KAZN: variants seen among roughly 807,000 people sequenced by gnomAD.
KAZN encodes kazrin.
KAZN carries 40 observed loss-of-function variants against 87.4 expected under a neutral mutation model. That is an observed-to-expected ratio of 0.46 (90% CI 0.36 to 0.60). The LOEUF (loss-of-function observed/expected upper bound fraction) is 0.60. KAZN is among the 20% of genes least tolerant of loss of function. The probability of loss-of-function intolerance (pLI) is 0.00; values close to 1 mark genes in which losing one functional copy is unlikely to be tolerated. For missense variants in KAZN, 898 were observed against 1,073.9 expected, an observed-to-expected ratio of 0.84 and a Z score of 2.29; for synonymous variants, 466 against 458.3, an observed-to-expected ratio of 1.02 and a Z score of -0.22.
At chr1:14,055,521 A>C (rs1352215939) in intron 1 of KAZN, among the ~76,000 whole-genome samples, 1 of 152,208 alleles carries the variant, frequency 6.6e-6, no homozygotes, top group African/African-American at 2.4e-5. Context: ...CCCCTGAGTC[A>C]GGAGGTGGTA....
intron 1 of KAZN, among the ~76,000 whole-genome samples, chr1:14,664,047 T>G (rs539892328): frequency 6.6e-6 from 1 of 152,366 alleles, no homozygotes; most frequent in South Asian, 2.1e-4. Context: ...AGGGATAGTA[T>G]GCTAAGTGAA....
At chr1:13,916,604 A>C (rs1022388019) in intron 1 of KAZN, among the ~76,000 whole-genome samples, 2 of 152,212 alleles carry the variant, frequency 1.3e-5, no homozygotes, top group African/African-American at 4.8e-5. Context: ...GACATTCACC[A>C]AATCATACAA....
intron 2 of KAZN, among the ~76,000 whole-genome samples, chr1:14,481,909 C>A (rs1186323308): frequency 6.6e-6 from 1 of 152,200 alleles, no homozygotes; most frequent in Non-Finnish European, 1.5e-5. Context: ...ACCATGCAGG[C>A]CCAGTGGTAC....
At chr1:14,550,741 C>A (rs1449726793) in intron 2 of KAZN, among the ~76,000 whole-genome samples, 1 of 75,636 alleles carries the variant, frequency 1.3e-5, no homozygotes, top group Non-Finnish European at 3.2e-5. Flanking sequence ...CTCTCTCTCC[C>A]CCACCCCGCC....
intron 3 of KAZN, among the ~76,000 whole-genome samples, chr1:15,042,189 G>T (rs1672992072): frequency 6.6e-6 from 1 of 152,198 alleles, no homozygotes; most frequent in South Asian, 2.1e-4. Context: ...ACCTAGTGGG[G>T]CTTCCTCCTA....
At chr1:14,527,418 G>C (rs1032138797) in intron 2 of KAZN, among the ~76,000 whole-genome samples, 1 of 151,932 alleles carries the variant, frequency 6.6e-6, no homozygotes, top group African/African-American at 2.4e-5. Flanking sequence ...GCGTGGTGGC[G>C]GGCACCTGTA....
chr1:14,815,419 C>G (rs1398771939), intron 1 of KAZN, among the ~76,000 whole-genome samples: 1 of 152,290 alleles, frequency 6.6e-6, no homozygotes, highest in African/African-American at 2.4e-5. Flanking sequence ...GCAGCGTCAC[C>G]TGTGAACAAT....
At chr1:14,539,376 T>C (rs1353840828) in intron 2 of KAZN, among the ~76,000 whole-genome samples, 3 of 152,198 alleles carry the variant, frequency 2.0e-5, no homozygotes, top group African/African-American at 7.2e-5. Flanking sequence ...TATAAGGACA[T>C]TTTTGGAAGA....
chr1:14,982,701 A>G (rs1666381480), intron 2 of KAZN, among the ~76,000 whole-genome samples: 1 of 152,196 alleles, frequency 6.6e-6, no homozygotes, highest in South Asian at 2.1e-4. Context: ...CTGGGATTAC[A>G]GGCGTGAGCC....
At chr1:14,813,965 G>T (rs957816544) in intron 1 of KAZN, among the ~76,000 whole-genome samples, 1 of 152,212 alleles carries the variant, frequency 6.6e-6, no homozygotes, top group Non-Finnish European at 1.5e-5. Context: ...GTCCCGCTGG[G>T]ATGAGCTTAC....
At chr1:14,441,736 G>T (rs1666718710) in intron 2 of KAZN, among the ~76,000 whole-genome samples, 1 of 152,148 alleles carries the variant, frequency 6.6e-6, no homozygotes. Flanking sequence ...TCAGCAAGAA[G>T]GACATTTGGG....
chr1:13,964,686 ATGACATCCC>A (rs1641878887), intron 1 of KAZN, among the ~76,000 whole-genome samples: 2 of 152,222 alleles, frequency 1.3e-5, no homozygotes, highest in Non-Finnish European at 2.9e-5. Flanking sequence ...ACTGGGTGGC[ATGACATCCC>A]TTTTGCCGCA....
intron 1 of KAZN, among the ~76,000 whole-genome samples, chr1:14,144,297 CCTTGT>C (rs1341924652): frequency 6.6e-6 from 1 of 152,120 alleles, no homozygotes; most frequent in Non-Finnish European, 1.5e-5. Context: ...CATGTCTTCC[CCTTGT>C]CTTTGTTTAT....
intron 1 of KAZN, among the ~76,000 whole-genome samples, chr1:14,082,368 G>T (rs917299610): frequency 1.3e-5 from 2 of 152,114 alleles, no homozygotes; most frequent in African/African-American, 2.4e-5. Context: ...ACTTTGACAA[G>T]ATAGTCCAGG....
chr1:14,955,235 A>T lies in KAZN; in HGVS notation c.227-5449A>T, dbSNP rs552971977. Among the ~76,000 whole-genome samples the T allele has an allele frequency of 2.0e-5, 3 of 152,350 alleles. No individual in the cohort carries two copies. The East Asian group carries it at 5.8e-4, about 29-fold the overall frequency. On this transcript the variant is annotated intron_variant, in intron 1 of 14. Transcript: ENST00000376030. ...AATGTGGTTGGTCCCGTCAGTGCAGAGGGGAAGGTGAGTTGTGGACACAGT... is the reference window on the plus strand; with the variant it reads ...AATGTGGTTGGTCCCGTCAGTGCAGTGGGGAAGGTGAGTTGTGGACACAGT...
Position 14,865,012 on chromosome 1 carries a change from T to G in KAZN, c.227-95672T>G, listed in dbSNP as rs537339946. ...ACCCACCAAAACATTGCTTGTTGGA[T>G]AAAATAGCAAACCCCAGGTACCATC... is the stretch of plus-strand genomic sequence containing the variant. On this transcript the variant is annotated intron_variant, in intron 1 of 14. Coordinates refer to ENST00000376030, the MANE Select transcript of KAZN (RefSeq NM_201628.3). Among the ~76,000 whole-genome samples the G allele has an allele frequency of 3.3e-5, 5 of 152,252 alleles. No homozygotes were observed. The South Asian group carries it at 1.0e-3, about 32-fold the overall frequency.
intron 2 of KAZN, among the ~76,000 whole-genome samples, chr1:14,577,942 G>C (rs1007356882): frequency 1.3e-5 from 2 of 152,138 alleles, no homozygotes; most frequent in Admixed American, 6.6e-5. Flanking sequence ...ACTGTCAAAA[G>C]TCCAAACCCT....
chr1:14,887,469 C>T (rs1193036456), intron 1 of KAZN, among the ~76,000 whole-genome samples: 1 of 152,210 alleles, frequency 6.6e-6, no homozygotes, highest in African/African-American at 2.4e-5. Flanking sequence ...TACCACTGAG[C>T]TGATGGAATT....
rs767820806 is a variant in KAZN, at chr1:15,056,134, G to A, written c.770G>A (p.Arg257Gln). The A allele has an allele frequency of 1.7e-5, 28 of 1,613,830 alleles. No individual in the cohort carries two copies. Among genetic ancestry groups the A allele is most frequent in the East Asian group, 4.5e-5 (2 of 44,882 alleles). The part of the protein sequence containing the change: ...LATLTKDVPK[R>Q]HSLAMPGETV... Reference sequence around the variant, plus strand: ...ACGCTGACCAAGGACGTCCCCAAGCGGCATTCCCTCGCCATGCCGGGCGAG... The same window carrying A: ...ACGCTGACCAAGGACGTCCCCAAGCAGCATTCCCTCGCCATGCCGGGCGAG... The change falls in exon 5 of 15, where the codon CGG (arginine) becomes CAG (glutamine). Residue 257 changes from arginine to glutamine, a missense_variant. Arg to Gln is a conservative substitution (Grantham distance 43). Transcript: ENST00000376030. This position sits in a 1 kb window ranked among gnomAD's most constrained non-coding sequence, Gnocchi z 5.4.
Sources: allele counts gnomAD v4.1 joint callset (sites outside exome capture counted in the v4.1 genomes callset), GRCh38; gene constraint gnomAD v4.1.1; non-coding constraint Gnocchi (gnomAD v3.1); transcripts MANE v1.5; gene names NCBI Gene and HGNC (gene_info 2026-07-23, HGNC 2026-07-21).